The following MANBA variants were observed in gnomAD, a reference collection of about 807,000 sequenced individuals.
The protein encoded by MANBA is mannosidase beta, also known as beta-mannosidase.
Under a neutral mutation model 111.1 loss-of-function variants are expected in MANBA, and 83 were observed. That is an observed-to-expected ratio of 0.75 (90% confidence interval 0.63 to 0.90). MANBA has a LOEUF of 0.90. Ranked by LOEUF, MANBA falls within the 40% of genes least tolerant of loss-of-function variation. MANBA has a pLI of 0.00. For missense variants in MANBA, 1,036 were observed against 1,069.0 expected (o/e 0.97, Z 0.43); for synonymous variants, 370 against 378.7 (o/e 0.98, Z 0.27).
intron 1 of MANBA, chr4:102,752,403 T>A: frequency 9.3e-7 from 1 of 1,072,630 alleles, no homozygotes; most frequent in Non-Finnish European, 1.5e-6. Context: ...TAACTTCAAA[T>A]ACAGGTTGCG....
intron 12 of MANBA, among the ~76,000 whole-genome samples, chr4:102,655,066 A>C (rs1730503662): frequency 6.6e-6 from 1 of 152,200 alleles, no homozygotes; most frequent in Non-Finnish European, 1.5e-5. Flanking sequence ...CCTAAAAATG[A>C]AATTAAGAAA....
chr4:102,688,450 T>C (rs1732325772), intron 7 of MANBA, among the ~76,000 whole-genome samples: 1 of 147,030 alleles, frequency 6.8e-6, no homozygotes, highest in African/African-American at 2.5e-5. Flanking sequence ...ACAGCATGAT[T>C]GAACAAAAGA....
rs746647408 is a variant in MANBA at position 102,690,604 on chromosome 4, T to G, written c.841A>C (p.Ile281Leu). Residue 281 changes from isoleucine to leucine, a missense_variant, in exon 6 of 17, where the codon ATT (isoleucine) becomes CTT (leucine). Ile to Leu is a conservative substitution (Grantham distance 5). Transcript: ENST00000647097. ...GAAGTACCATCATTTACCTTGCTAA[T>G]GTTCACAAATAGCTCAACAATCCTT... ...GKRIVELFVN[I>L]SKNITVETWW... 1 of 1,611,008 alleles carries G rather than the reference T, an allele frequency of 6.2e-7. No individual in the cohort carries two copies. The highest frequency in any genetic ancestry group is 8.5e-7 in the Non-Finnish European group (1 of 1,177,982).
At chr4:102,731,574 A>T (rs962975853) in intron 1 of MANBA, among the ~76,000 whole-genome samples, 53 of 152,106 alleles carry the variant, frequency 3.5e-4, no homozygotes, top group African/African-American at 1.2e-3. Context: ...AGCTCACTAC[A>T]TGTCTCTGTG....
chr4:102,652,239 A>AT (rs1730366699), intron 12 of MANBA, among the ~76,000 whole-genome samples: 1 of 152,082 alleles, frequency 6.6e-6, no homozygotes, highest in Admixed American at 6.6e-5. Context: ...AACCAACTCT[A>AT]TTGTCCCTCC....
chr4:102,689,687 T>C lies in MANBA; in HGVS notation c.850-3A>G, dbSNP rs746529717. ...CACCAAGTTTCTACAGTAATATTCT[T>C]TTAAGAAAATTTAAAAGTCACTCTA... is the stretch of plus-strand genomic sequence containing the variant. On this transcript the variant is annotated splice_region_variant and splice_polypyrimidine_tract_variant and intron_variant, in intron 6 of 16. Coordinates refer to ENST00000647097, the MANE Select transcript of MANBA (RefSeq NM_005908.4). The C allele has an allele frequency of 4.0e-6, 6 of 1,516,612 alleles. No homozygotes were observed. The African/African-American group carries it at 8.3e-5, about 21-fold the overall frequency. 93.9% of individuals were successfully genotyped at this position (1,516,612 alleles called of 1,614,324 possible).
chr4:102,710,440 A>G (rs1722008162), intron 5 of MANBA, among the ~76,000 whole-genome samples: 1 of 152,152 alleles, frequency 6.6e-6, no homozygotes, highest in Admixed American at 6.6e-5. Context: ...ACCTAGGAAT[A>G]AATGTAACCA....
chr4:102,633,962 T>A (rs1729503029), intron 16 of MANBA, among the ~76,000 whole-genome samples: 1 of 152,194 alleles, frequency 6.6e-6, no homozygotes, highest in African/African-American at 2.4e-5. Flanking sequence ...CTAAATTAAA[T>A]GTAGAAAATC....
At chr4:102,742,806 G>C (rs1461159031) in intron 1 of MANBA, among the ~76,000 whole-genome samples, 2 of 152,176 alleles carry the variant, frequency 1.3e-5, no homozygotes, top group Non-Finnish European at 2.9e-5. Context: ...CCCTTTCCAC[G>C]ATAGAAGCAG....
intron 1 of MANBA, among the ~76,000 whole-genome samples, chr4:102,737,180 T>C (rs1247092712): frequency 1.3e-5 from 2 of 151,978 alleles, no homozygotes; most frequent in Non-Finnish European, 2.9e-5. Context: ...CGGCTGAACT[T>C]TGTAATATTT....
rs947251684 is a variant in MANBA, at chr4:102,748,653, G to A, written c.177+12065C>T. Among the ~76,000 whole-genome samples the A allele has an allele frequency of 2.7e-4, 41 of 152,196 alleles. 1 individual carries two copies. The highest frequency in any genetic ancestry group is 1.5e-4 in the Non-Finnish European group (10 of 68,038). On this transcript the variant is annotated intron_variant, in intron 1 of 16. Transcript: ENST00000647097. The stretch of plus-strand genomic sequence containing the variant: ...CTATTGGCCAGGCAAGGTGGCTCAT[G>A]CCTGTAATCCCAACACTTTGGGGGG...
intron 7 of MANBA, among the ~76,000 whole-genome samples, chr4:102,676,643 G>A (rs927455421): frequency 2.6e-5 from 4 of 152,136 alleles, no homozygotes; most frequent in African/African-American, 9.7e-5. Flanking sequence ...AGATGGACTT[G>A]CCAGTTTGCC....
chr4:102,760,927 A>T lies in MANBA; in HGVS notation c.-33T>A. On this transcript the variant is annotated 5_prime_UTR_variant, in exon 1 of 17. Transcript: ENST00000647097. ...TCCCGCGCCACCGAGATGTGGAGAGATCGAAAGGCAGCGCTGCAAGGGACC... is the reference window on the plus strand; with the variant it reads ...TCCCGCGCCACCGAGATGTGGAGAGTTCGAAAGGCAGCGCTGCAAGGGACC... The T allele has an allele frequency of 3.9e-6, 6 of 1,540,780 alleles. No homozygotes were observed. Among genetic ancestry groups the T allele is most frequent in the Non-Finnish European group, 4.4e-6 (5 of 1,147,188 alleles).
chr4:102,706,001 A>T (rs1384508212), intron 5 of MANBA, among the ~76,000 whole-genome samples: 1 of 152,166 alleles, frequency 6.6e-6, no homozygotes, highest in Non-Finnish European at 1.5e-5. Flanking sequence ...GACTTCTTGG[A>T]AACCAGAGGA....
chr4:102,722,769 T>TC, intron 4 of MANBA, 102 bp downstream of exon 4: 1 of 1,214,676 alleles, frequency 8.2e-7, no homozygotes, highest in Non-Finnish European at 1.2e-6. Flanking sequence ...GGAAAGAGAT[T>TC]CCTAACTTCT....
chr4:102,709,398 GA>G (rs760906813), intron 5 of MANBA, among the ~76,000 whole-genome samples: 2,755 of 93,998 alleles, frequency 0.029, 76 homozygotes, highest in African/African-American at 0.062. Context: ...AAGAAAGAAA[GA>G]AAAAAAAGAA....
In MANBA at chr4:102,749,673, A is replaced by G. The variant is rs150661496; in HGVS notation, c.177+11045T>C. ...ATCATCTTAGGCAATAACTTTGCTG[A>G]GCCTCAGTCACTGTGAATTATTATA... On this transcript the variant is annotated intron_variant, in intron 1 of 16. Coordinates refer to ENST00000647097, the MANE Select transcript of MANBA (RefSeq NM_005908.4). 4.2e-3 allele frequency among the ~76,000 whole-genome samples: 642 copies of G among 152,342 alleles called. 2 individuals carry two copies. The highest frequency in any genetic ancestry group is 0.014 in the African/African-American group (600 of 41,574).
chr4:102,682,831 G>A (rs138966582), intron 7 of MANBA: 11 of 152,244 alleles, frequency 7.2e-5, no homozygotes, highest in Admixed American at 5.2e-4. Flanking sequence ...CAGAGCCTTC[G>A]GAAGGAACAC....
At chr4:102,712,538 T>G (rs1326672326) in intron 5 of MANBA, among the ~76,000 whole-genome samples, 2 of 151,160 alleles carry the variant, frequency 1.3e-5, no homozygotes, top group Non-Finnish European at 3.0e-5. Context: ...TTTTTTTTTT[T>G]AAACAGCATC....
Sources: allele counts gnomAD v4.1 joint callset (sites outside exome capture counted in the v4.1 genomes callset), GRCh38; gene constraint gnomAD v4.1.1; transcripts MANE v1.5; gene names NCBI Gene and HGNC (gene_info 2026-07-23, HGNC 2026-07-21).